Variants in CD6 observed in about 807,000 individuals in gnomAD.
CD6 encodes T-cell differentiation antigen CD6.
A neutral mutation model predicts 75.3 loss-of-function variants in CD6; 53 were observed. That is an observed-to-expected ratio of 0.70 (90% CI 0.56 to 0.88). The LOEUF (loss-of-function observed/expected upper bound fraction) is 0.88, where lower values mean the gene tolerates loss of function less well. Ranked by LOEUF, CD6 falls within the 40% of genes least tolerant of loss-of-function variation. CD6 has a pLI of 0.00. For synonymous variants in CD6, 359 were observed against 381.5 expected, an observed-to-expected ratio of 0.94 and a Z score of 0.69; for missense variants, 770 against 897.1, an observed-to-expected ratio of 0.86 and a Z score of 1.81.
intron 1 of CD6, among the ~76,000 whole-genome samples, chr11:60,981,986 A>T (rs72922405): frequency 0.042 from 6,211 of 147,598 alleles, 138 homozygotes; most frequent in Non-Finnish European, 0.051. Context: ...CCGGCCAATA[A>T]GTGTCCAGGC....
At chr11:61,014,914 C>T (rs1483843217) in intron 8 of CD6, among the ~76,000 whole-genome samples, 1 of 152,070 alleles carries the variant, frequency 6.6e-6, no homozygotes, top group Non-Finnish European at 1.5e-5. Context: ...TATAAATATC[C>T]TTTGCACAGA....
At chr11:60,999,567 T>A (rs1453592841) in intron 1 of CD6, among the ~76,000 whole-genome samples, 1 of 152,072 alleles carries the variant, frequency 6.6e-6, no homozygotes, top group African/African-American at 2.4e-5. Context: ...CTTCTGCCAC[T>A]TAACATTGTG....
intron 1 of CD6, among the ~76,000 whole-genome samples, chr11:61,001,481 G>A (rs10750951): frequency 0.48 from 73,284 of 151,942 alleles, 18,836 homozygotes; most frequent in East Asian, 0.65. Flanking sequence ...GATTACAGGC[G>A]TGAGCCACCG....
At chr11:60,979,636 T>G (rs889831024) in intron 1 of CD6, among the ~76,000 whole-genome samples, 1 of 152,008 alleles carries the variant, frequency 6.6e-6, no homozygotes, top group Non-Finnish European at 1.5e-5. Context: ...CAGCTAATTT[T>G]TTTGTATTTT....
intron 1 of CD6, among the ~76,000 whole-genome samples, chr11:60,991,713 C>T (rs548381097): frequency 6.6e-6 from 1 of 151,754 alleles, no homozygotes; most frequent in South Asian, 2.1e-4. Context: ...ACCCTGTTGC[C>T]CAGGCTGGAG....
rs558232128 is a variant in CD6 at position 60,977,534 on chromosome 11, T to C, written c.49+5620T>C. 6.6e-5 allele frequency among the ~76,000 whole-genome samples: 10 copies of C among 152,372 alleles called. No homozygotes were observed. The East Asian group carries it at 1.9e-3, about 29-fold the overall frequency. On this transcript the variant is annotated intron_variant, in intron 1 of 12. Transcript: ENST00000313421. The stretch of plus-strand genomic sequence containing the variant: ...TCAGAGCATGGTAAGTTATCCAGCA[T>C]AGCTCTTCCCGGAGCACTTTATTCC...
At chr11:60,990,568 T>G (rs1022015015) in intron 1 of CD6, among the ~76,000 whole-genome samples, 1 of 152,142 alleles carries the variant, frequency 6.6e-6, no homozygotes, top group Non-Finnish European at 1.5e-5. Flanking sequence ...CACCCAGACT[T>G]AGAAAATGTT....
intron 1 of CD6, among the ~76,000 whole-genome samples, chr11:60,993,924 G>C (rs866931268): frequency 6.6e-6 from 1 of 152,242 alleles, no homozygotes; most frequent in Non-Finnish European, 1.5e-5. Context: ...TTTCTTGGGA[G>C]AGGAGGGGGA....
intron 1 of CD6, among the ~76,000 whole-genome samples, chr11:60,994,735 G>T (rs1007089417): frequency 6.6e-6 from 1 of 152,142 alleles, no homozygotes; most frequent in South Asian, 2.1e-4. Context: ...GTTTATTACC[G>T]ATCTATGTTC....
intron 1 of CD6, among the ~76,000 whole-genome samples, chr11:60,981,937 C>T (rs1857573766): frequency 6.6e-6 from 1 of 151,904 alleles, no homozygotes; most frequent in Admixed American, 6.6e-5. Context: ...GCCCCTGGGT[C>T]TCCACCGTGT....
intron 1 of CD6, among the ~76,000 whole-genome samples, chr11:60,981,164 C>T (rs1857546285): frequency 6.6e-6 from 1 of 152,352 alleles, no homozygotes; most frequent in East Asian, 1.9e-4. Flanking sequence ...CAGTGCAGCA[C>T]TCTGCAAATA....
At chr11:60,995,010 T>C (rs1311393573) in intron 1 of CD6, among the ~76,000 whole-genome samples, 1 of 152,222 alleles carries the variant, frequency 6.6e-6, no homozygotes, top group Non-Finnish European at 1.5e-5. Context: ...CTTGACAAAG[T>C]AAACTCAGCC....
intron 1 of CD6, among the ~76,000 whole-genome samples, chr11:61,003,455 G>A (rs1368652434): frequency 1.3e-5 from 2 of 152,182 alleles, no homozygotes; most frequent in Non-Finnish European, 2.9e-5. Context: ...ACAATGGGCC[G>A]GGTGTGGTGG....
chr11:61,019,902 CT>C lies in CD6; in HGVS notation c.*586del, dbSNP rs947368487. 1 of 374,342 alleles carries C rather than the reference CT, an allele frequency of 2.7e-6. No individual in the cohort carries two copies. Among genetic ancestry groups the C allele is most frequent in the Non-Finnish European group, 4.7e-6 (1 of 211,270 alleles). 23.2% of individuals were successfully genotyped at this position (374,342 alleles called of 1,614,324 possible). Reference sequence around the variant, plus strand: ...ACTGCACTTGGGCAGGGAATATAGCCTTCCTGGGCACAACTAGCTGACAATG... The same window carrying C: ...ACTGCACTTGGGCAGGGAATATAGCCTCCTGGGCACAACTAGCTGACAATG... On this transcript the variant is annotated 3_prime_UTR_variant, in exon 13 of 13. Transcript: ENST00000313421.
Position 61,017,918 on chromosome 11 carries a change from C to G in CD6, c.1742C>G (p.Pro581Arg), listed in dbSNP as rs1338369901. 1.2e-6 allele frequency: 2 copies of G among 1,614,098 alleles called. No individual in the cohort carries two copies. Among genetic ancestry groups the G allele is most frequent in the Non-Finnish European group, 8.5e-7 (1 of 1,180,038 alleles). ...TGCAATAGTCCCAAAAGCAAGCTGC[C>G]TCCATGGAACCCCCAGGTGTTTTCT... is the stretch of plus-strand genomic sequence containing the variant. The part of the protein sequence containing the change: ...DYCNSPKSKL[P>R]PWNPQVFSSE... Residue 581 changes from proline (P) to arginine (R), a missense_variant, in exon 11 of 13, where the codon CCT becomes CGT. Pro to Arg is a moderately radical substitution (Grantham distance 103). Coordinates refer to ENST00000313421, the MANE Select transcript of CD6 (RefSeq NM_006725.5).
chr11:61,018,319 C>T lies in CD6; in HGVS notation c.1868C>T (p.Thr623Ile), dbSNP rs1247002169. 3 of 1,607,928 alleles carry T rather than the reference C, an allele frequency of 1.9e-6. No homozygotes were observed. Among genetic ancestry groups the T allele is most frequent in the Admixed American group, 1.7e-5 (1 of 59,482 alleles). ...AGPPADDSSS[T>I]SSGEWYQNFQ... is the part of the protein sequence containing the mutation. ...CCCCCGGCTGATGACAGCTCCAGCACCTCATCCGGGGAGTGGTACCAGAAC... is the reference window on the plus strand; with the variant it reads ...CCCCCGGCTGATGACAGCTCCAGCATCTCATCCGGGGAGTGGTACCAGAAC... The change falls in exon 12 of 13, where the codon ACC (threonine) becomes ATC (isoleucine). Residue 623 changes from threonine (T) to isoleucine (I), a missense_variant. By Grantham distance (89) the Thr-to-Ile change is moderately conservative. Transcript: ENST00000313421.
chr11:61,007,892 GC>G lies in CD6; in HGVS notation c.454del (p.Arg152ValfsTer77). On this transcript the variant is annotated frameshift_variant, in exon 3 of 13. Coordinates refer to ENST00000313421, the MANE Select transcript of CD6 (RefSeq NM_006725.5). LOFTEE classifies it high-confidence loss of function. The surrounding 1 kb of genome is among the most constrained non-coding windows in gnomAD (Gnocchi z 4.2). ...CGCGTGCCGCAGCGACGGGAGGCGG[GC>G]CCGTGTCACCTGTGCAGGTACGAGC... ...EHACRSDGRR[A>X]RVTCAENRAL... 1 of 1,369,932 alleles carries G rather than the reference GC, an allele frequency of 7.3e-7. No individual in the cohort carries two copies. The highest frequency in any genetic ancestry group is 9.4e-7 in the Non-Finnish European group (1 of 1,066,690). 84.9% of individuals were successfully genotyped at this position (1,369,932 alleles called of 1,614,324 possible).
In CD6 at chr11:61,013,384, C is replaced by CA. The variant is rs756333093; in HGVS notation, c.1151-38dup. 8.3e-5 allele frequency: 134 copies of CA among 1,610,348 alleles called. 1 individual carries two copies. In the East Asian group the frequency reaches 3.0e-3, roughly 36 times the overall value. On this transcript the variant is annotated intron_variant, in intron 6 of 12. Coordinates refer to ENST00000313421, the MANE Select transcript of CD6 (RefSeq NM_006725.5). ...AAAGGCAAGAAGAAGGGTGAGTGCC[C>CA]ATTCCTCTTTCTTCCTGAATTGGAA...
rs747030622 is a variant in CD6 at position 61,008,528 on chromosome 11, C to T, written c.470-6C>T. On this transcript the variant is annotated splice_region_variant and splice_polypyrimidine_tract_variant and intron_variant, in intron 3 of 12. Coordinates refer to ENST00000313421, the MANE Select transcript of CD6 (RefSeq NM_006725.5). Reference sequence around the variant, plus strand: ...CCCAGCATCCACAACCCCCTCCCACCCCTAGAGAACCGCGCGCTGCGCCTG... The same window carrying T: ...CCCAGCATCCACAACCCCCTCCCACTCCTAGAGAACCGCGCGCTGCGCCTG... 3.0e-5 allele frequency: 48 copies of T among 1,584,980 alleles called. No homozygotes were observed. Among genetic ancestry groups the T allele is most frequent in the Non-Finnish European group, 4.1e-5 (48 of 1,164,920 alleles).
Sources: gnomAD v4.1 joint callset for allele counts (sites outside exome capture counted in the v4.1 genomes callset) on GRCh38, gnomAD v4.1.1 for gene constraint, Gnocchi (gnomAD v3.1) non-coding constraint, MANE v1.5 for transcripts, NCBI Gene and HGNC (gene_info 2026-07-23, HGNC 2026-07-21) for gene names.